The following MTMR2 variants were observed in gnomAD, a reference collection of about 807,000 sequenced individuals.
MTMR2 encodes myotubularin related protein 2, also known as phosphatidylinositol-3,5-bisphosphate 3-phosphatase MTMR2.
MTMR2 carries 55 observed loss-of-function variants against 86.9 expected under a neutral mutation model. That is an observed-to-expected ratio of 0.63 (90% CI 0.51 to 0.79). The LOEUF (loss-of-function observed/expected upper bound fraction) is 0.79, where lower values mean the gene tolerates loss of function less well. Among genes scored for constraint, MTMR2 ranks in the 30% least tolerant of loss-of-function variants. The pLI is 0.00. For synonymous variants in MTMR2, 241 were observed against 266.8 expected, an observed-to-expected ratio of 0.90 and a Z score of 0.94; for missense variants, 659 against 772.3, an observed-to-expected ratio of 0.85 and a Z score of 1.74.
At chr11:95,851,031 G>A (rs1590985464) in intron 7 of MTMR2, among the ~76,000 whole-genome samples, 1 of 149,402 alleles carries the variant, frequency 6.7e-6, no homozygotes, top group African/African-American at 2.5e-5. Context: ...GAGGTGGAAG[G>A]AAACAGTAAG....
chr11:95,887,833 G>A (rs1865568072), intron 2 of MTMR2: 1 of 293,828 alleles, frequency 3.4e-6, no homozygotes, highest in Non-Finnish European at 6.5e-6. Context: ...ACAACGCTTG[G>A]CACACAGTAC....
chr11:95,878,268 T>G (rs1039641033), intron 2 of MTMR2, among the ~76,000 whole-genome samples: 3 of 148,880 alleles, frequency 2.0e-5, no homozygotes, highest in African/African-American at 7.5e-5. Flanking sequence ...AAAAGATTAG[T>G]GATTGCCTGG....
chr11:95,857,438 G>A (rs1174724716), intron 7 of MTMR2, 114 bp downstream of exon 7: 1 of 725,016 alleles, frequency 1.4e-6, no homozygotes, highest in Non-Finnish European at 2.5e-6. Flanking sequence ...ATCTCTTAAT[G>A]TGGTGAATTA....
chr11:95,846,785 TAATG>T, intron 10 of MTMR2, among the ~76,000 whole-genome samples: 1 of 152,272 alleles, frequency 6.6e-6, no homozygotes, highest in East Asian at 1.9e-4. Context: ...TCACATAATT[TAATG>T]AATGGGCCAC....
intron 1 of MTMR2, among the ~76,000 whole-genome samples, chr11:95,912,012 T>C (rs1417897066): frequency 1.3e-5 from 2 of 151,964 alleles, no homozygotes; most frequent in Non-Finnish European, 2.9e-5. Flanking sequence ...AATCTTTCAC[T>C]ACCCTTTCAA....
intron 1 of MTMR2, among the ~76,000 whole-genome samples, chr11:95,907,616 A>G (rs1337807143): frequency 1.3e-5 from 2 of 152,220 alleles, no homozygotes; most frequent in African/African-American, 2.4e-5. Flanking sequence ...AATCCTTAAC[A>G]AAATAGTAGC....
chr11:95,907,767 T>A, intron 1 of MTMR2: 1 of 333,172 alleles, frequency 3.0e-6, no homozygotes, highest in South Asian at 2.5e-5. Context: ...ATAAACCATA[T>A]GATCATCTCG....
At chr11:95,847,062 A>C (rs1175631206) in intron 10 of MTMR2, among the ~76,000 whole-genome samples, 1 of 152,176 alleles carries the variant, frequency 6.6e-6, no homozygotes, top group Non-Finnish European at 1.5e-5. Flanking sequence ...TTACTGACAG[A>C]CCATATCTGA....
At chr11:95,864,411 G>A (rs779084745) in intron 3 of MTMR2, among the ~76,000 whole-genome samples, 41 of 152,044 alleles carry the variant, frequency 2.7e-4, no homozygotes, top group Non-Finnish European at 5.1e-4. Context: ...CTGCAATTAC[G>A]GCATTAAGTT....
chr11:95,856,680 G>A lies in MTMR2; in HGVS notation c.654+872C>T, dbSNP rs550342295. Among the ~76,000 whole-genome samples, 3 of 152,014 alleles carry A rather than the reference G, an allele frequency of 2.0e-5. No homozygotes were observed. In the East Asian group the frequency reaches 5.8e-4, roughly 29 times the overall value. Reference sequence around the variant, plus strand: ...ATTCTCTTTCTGTATGGGTATAGTTGTTCATTTACACTTCAACTTATTTTT... The same window carrying A: ...ATTCTCTTTCTGTATGGGTATAGTTATTCATTTACACTTCAACTTATTTTT... On this transcript the variant is annotated intron_variant, in intron 7 of 14. Coordinates refer to ENST00000346299, the MANE Select transcript of MTMR2 (RefSeq NM_016156.6).
At position 95,875,068 on chromosome 11, in the gene MTMR2, C is replaced by T. The variant is rs551883645; in HGVS notation, c.187-9392G>A. 6.2e-4 allele frequency among the ~76,000 whole-genome samples: 95 copies of T among 152,036 alleles called. 2 individuals are homozygous for T. Among genetic ancestry groups the T allele is most frequent in the Middle Eastern group, 6.8e-3 (2 of 294 alleles). ...TCAACTTTGGTGAATCTGACAATTA[C>T]GTGTCTTGGAGTTGCTCTTCTCGAG... is the stretch of plus-strand genomic sequence containing the variant. On this transcript the variant is annotated intron_variant, in intron 2 of 14. Coordinates refer to ENST00000346299, the MANE Select transcript of MTMR2 (RefSeq NM_016156.6).
chr11:95,861,149 C>CA (rs566201038), intron 5 of MTMR2, among the ~76,000 whole-genome samples: 7,929 of 71,728 alleles, frequency 0.11, 775 homozygotes, highest in African/African-American at 0.31. Context: ...GACTCCGTCT[C>CA]AAAAAAAAAA....
At chr11:95,920,154 T>C (rs10765774) in intron 1 of MTMR2, among the ~76,000 whole-genome samples, 88,553 of 152,026 alleles carry the variant, frequency 0.58, 27,691 homozygotes, top group African/African-American at 0.82. Context: ...ACTAGATTAT[T>C]AGGATGCTAA....
intron 1 of MTMR2, among the ~76,000 whole-genome samples, chr11:95,897,820 G>A (rs1199516116): frequency 3.3e-5 from 5 of 151,990 alleles, no homozygotes; most frequent in Non-Finnish European, 7.4e-5. Context: ...CCAGACTAAC[G>A]TAAACTCTAT....
chr11:95,878,966 T>C (rs1335435753), intron 2 of MTMR2, among the ~76,000 whole-genome samples: 1 of 152,120 alleles, frequency 6.6e-6, no homozygotes, highest in East Asian at 1.9e-4. Flanking sequence ...AGATAAGTAG[T>C]ATTCATATGC....
intron 1 of MTMR2, among the ~76,000 whole-genome samples, chr11:95,906,829 TGAG>T (rs1366881181): frequency 6.6e-6 from 1 of 152,106 alleles, no homozygotes; most frequent in Non-Finnish European, 1.5e-5. Context: ...TTAAAACTAA[TGAG>T]AACAAAGATA....
chr11:95,849,882 T>A lies in MTMR2; in HGVS notation c.805-20A>T. The A allele has an allele frequency of 6.3e-7, 1 of 1,578,566 alleles. No individual in the cohort carries two copies. The highest frequency in any genetic ancestry group is 8.7e-7 in the Non-Finnish European group (1 of 1,150,444). On this transcript the variant is annotated intron_variant, in intron 8 of 14. Coordinates refer to ENST00000346299, the MANE Select transcript of MTMR2 (RefSeq NM_016156.6). The stretch of plus-strand genomic sequence containing the variant: ...TAAAACCTTAATGAGGAAAAAATGG[T>A]AACACACCTTTTACATACTTCTCTG...
chr11:95,902,029 A>G (rs1163651608), intron 1 of MTMR2, among the ~76,000 whole-genome samples: 1 of 152,196 alleles, frequency 6.6e-6, no homozygotes, highest in East Asian at 1.9e-4. Context: ...AATGAAGATA[A>G]GAGTTCATGG....
chr11:95,850,675 G>C lies in MTMR2; in HGVS notation c.729C>G (p.Leu243=). 6.2e-7 allele frequency: 1 copy of C among 1,614,084 alleles called. No homozygotes were observed. Among genetic ancestry groups the C allele is most frequent in the Non-Finnish European group, 8.5e-7 (1 of 1,179,948 alleles). ...RYELCDTYPA[L]LVVPANIPDE... is the part of the protein sequence containing the mutation. ...CAGGAATATTTGCTGGCACAACCAG[G>C]AGGGCAGGGTATGTATCACAAAGTT... is the stretch of plus-strand genomic sequence containing the variant. Residue 243 remains leucine (L), a synonymous_variant, in exon 8 of 15, where the codon CTC becomes CTG. Coordinates refer to ENST00000346299, the MANE Select transcript of MTMR2 (RefSeq NM_016156.6).
Sources: allele counts gnomAD v4.1 joint callset (sites outside exome capture counted in the v4.1 genomes callset), GRCh38; gene constraint gnomAD v4.1.1; transcripts MANE v1.5; gene names NCBI Gene and HGNC (gene_info 2026-07-23, HGNC 2026-07-21).